MAGEA11: variants seen among roughly 807,000 people sequenced by gnomAD.
MAGEA11 encodes the protein MAGE family member A11.
In MAGEA11, 1 loss-of-function variant was observed where a neutral mutation model predicts 8.4. The ratio of observed to expected loss-of-function variants is 0.12; its 90% CI spans 0.04 to 0.57. The LOEUF is 0.57. Among genes scored for constraint, MAGEA11 ranks in the 20% least tolerant of loss-of-function variants. The probability of loss-of-function intolerance (pLI) is 0.91; values close to 1 mark genes in which losing one functional copy is unlikely to be tolerated. For missense variants in MAGEA11, 209 were observed against 317.3 expected, an observed-to-expected ratio of 0.66 and a Z score of 2.59; for synonymous variants, 127 against 119.3, an observed-to-expected ratio of 1.06 and a Z score of -0.42.
chrX:149,701,966 G>C (rs144786230), intron 1 of MAGEA11, among the ~76,000 whole-genome samples: 2 of 111,853 alleles, frequency 1.8e-5, no homozygotes, highest in Admixed American at 1.9e-4. Context: ...TTTGGTTACC[G>C]TAGCCTTGTA....
intron 1 of MAGEA11, among the ~76,000 whole-genome samples, chrX:149,704,800 C>T (rs1165763818): frequency 8.9e-6 from 1 of 112,541 alleles, no homozygotes; most frequent in Non-Finnish European, 1.9e-5. Flanking sequence ...CTTTTATTCT[C>T]AGCAGATTAG....
intron 1 of MAGEA11, among the ~76,000 whole-genome samples, chrX:149,692,406 C>CA (rs375482933): frequency 0.017 from 1,598 of 94,612 alleles, 29 homozygotes; most frequent in African/African-American, 0.055. Context: ...GACCCTGTCT[C>CA]AAAAAAAAAA....
chrX:149,708,932 T>C (rs2090388131), upstream of MAGEA11, among the ~76,000 whole-genome samples: 1 of 110,163 alleles, frequency 9.1e-6, no homozygotes, highest in Non-Finnish European at 1.9e-5. Flanking sequence ...ATAAAGTTAT[T>C]TCATCATAAT....
intron 3 of MAGEA11, among the ~76,000 whole-genome samples, chrX:149,715,357 G>C (rs1228323693): frequency 8.9e-6 from 1 of 111,826 alleles, no homozygotes; most frequent in East Asian, 2.8e-4. Flanking sequence ...TCCTCTTCTA[G>C]AAGCTCCAAA....
chrX:149,715,742 T>C lies in MAGEA11; in HGVS notation c.267-11T>C, dbSNP rs374069078. ...CATCTGAGTCTGTTCTCACGCTCCC[T>C]CTCTCCCCAGGCTGTGGGGCCCCAT... is the stretch of plus-strand genomic sequence containing the variant. On this transcript the variant is annotated splice_polypyrimidine_tract_variant and intron_variant, in intron 4 of 4. Transcript: ENST00000355220. 33 of 1,200,129 alleles carry C rather than the reference T, an allele frequency of 2.7e-5. No individual in the cohort carries two copies. In the African/African-American group the frequency reaches 5.8e-4, roughly 21 times the overall value.
upstream of MAGEA11, among the ~76,000 whole-genome samples, chrX:149,709,292 A>G (rs2090389896): frequency 9.0e-6 from 1 of 110,998 alleles, no homozygotes; most frequent in Non-Finnish European, 1.9e-5. Flanking sequence ...CTCGAAAAAA[A>G]AAAAAAAAGA....
At chrX:149,713,110 C>A (rs782246664) in intron 1 of MAGEA11, 33 bp from the exon 2 acceptor site, 14 of 999,850 alleles carry the variant, frequency 1.4e-5, no homozygotes, top group South Asian at 1.9e-5. Context: ...CCCATAGTCC[C>A]GCCGTCTCAA....
chrX:149,691,627 C>T (rs2090310887), intron 1 of MAGEA11, among the ~76,000 whole-genome samples: 1 of 111,848 alleles, frequency 8.9e-6, no homozygotes, highest in African/African-American at 3.3e-5. Flanking sequence ...GCTGATGTCC[C>T]ATGCTTTATA....
intron 1 of MAGEA11, among the ~76,000 whole-genome samples, chrX:149,697,647 G>A (rs994106474): frequency 1.8e-5 from 2 of 110,551 alleles, no homozygotes; most frequent in African/African-American, 6.6e-5. Context: ...CTCCTGGCTG[G>A]CTTGAGGCCT....
intron 1 of MAGEA11, among the ~76,000 whole-genome samples, chrX:149,699,963 T>G (rs1395903647): frequency 1.8e-5 from 2 of 111,362 alleles, no homozygotes; most frequent in Non-Finnish European, 3.8e-5. Context: ...GATGGAGGGT[T>G]TGCGCAAATG....
In MAGEA11 at chrX:149,713,149, G is replaced by T; in HGVS notation, c.-11G>T. ...GAGGTGCCTTTTCATTCAGCCTTGG[G>T]AATCTGAGGGATGGAGACTCAGTTC... On this transcript the variant is annotated 5_prime_UTR_variant, in exon 2 of 5. Transcript: ENST00000355220. The T allele has an allele frequency of 2.5e-6, 3 of 1,192,224 alleles. No individual in the cohort carries two copies. Among genetic ancestry groups the T allele is most frequent in the Non-Finnish European group, 3.4e-6 (3 of 879,565 alleles).
chrX:149,712,136 C>T lies in MAGEA11; in HGVS notation c.-44C>T, dbSNP rs1201519404. ...GTGTCTTGAGAGTGGCAGAGGGCAG[C>T]GGGTCCAGGCTCCATGAGGAGGCAA... On this transcript the variant is annotated 5_prime_UTR_variant, in exon 1 of 5. Transcript: ENST00000355220. The T allele has an allele frequency of 2.3e-5, 17 of 750,268 alleles. No individual in the cohort carries two copies. In the African/African-American group the frequency reaches 3.8e-4, roughly 17 times the overall value. The allele number at this position is 750,268 out of a possible 1,213,427, so 61.8% of individuals were successfully genotyped here.
At chrX:149,693,011 T>G (rs1557360282) in intron 1 of MAGEA11, among the ~76,000 whole-genome samples, 1 of 112,092 alleles carries the variant, frequency 8.9e-6, no homozygotes, top group African/African-American at 3.2e-5. Flanking sequence ...CTTTGTAATC[T>G]TCCCACTCTC....
chrX:149,700,562 T>G (rs1372636428), intron 1 of MAGEA11, among the ~76,000 whole-genome samples: 2 of 110,610 alleles, frequency 1.8e-5, no homozygotes, highest in African/African-American at 6.6e-5. Context: ...AATTTAAATA[T>G]GTTAACTTTT....
chrX:149,695,070 A>C (rs1367149928), intron 1 of MAGEA11, among the ~76,000 whole-genome samples: 1 of 111,085 alleles, frequency 9.0e-6, no homozygotes, highest in Non-Finnish European at 1.9e-5. Flanking sequence ...ATGGCAGTTC[A>C]CTCTTTATCT....
chrX:149,691,205 A>G (rs923915895), intron 1 of MAGEA11, among the ~76,000 whole-genome samples: 6 of 110,659 alleles, frequency 5.4e-5, no homozygotes, highest in African/African-American at 2.0e-4. Context: ...TATAGTTTTT[A>G]TCAAACCTGA....
chrX:149,699,109 A>C, intron 1 of MAGEA11, among the ~76,000 whole-genome samples: 1 of 112,118 alleles, frequency 8.9e-6, no homozygotes, highest in African/African-American at 3.2e-5. Context: ...AATTATGTAT[A>C]TCTCTTTTAG....
intron 1 of MAGEA11, among the ~76,000 whole-genome samples, chrX:149,700,022 C>T (rs1267487026): frequency 8.9e-6 from 1 of 111,851 alleles, no homozygotes; most frequent in Non-Finnish European, 1.9e-5. Context: ...AACTCACTCA[C>T]TATCTTGAGA....
At chrX:149,710,194 A>G (rs1557361800), upstream of MAGEA11, among the ~76,000 whole-genome samples, 1 of 112,194 alleles carries the variant, frequency 8.9e-6, no homozygotes, top group African/African-American at 3.2e-5. Flanking sequence ...CATTCACAAT[A>G]GCAACAATAT....
Sources: allele counts gnomAD v4.1 joint callset (sites outside exome capture counted in the v4.1 genomes callset), GRCh38; gene constraint gnomAD v4.1.1; transcripts MANE v1.5; gene names NCBI Gene and HGNC (gene_info 2026-07-23, HGNC 2026-07-21).